Variants in TRPC4 observed in about 807,000 individuals in gnomAD.
TRPC4 encodes short transient receptor potential channel 4.
TRPC4 carries 49 observed loss-of-function variants against 99.4 expected under a neutral mutation model. The ratio of observed to expected loss-of-function variants is 0.49; its 90% CI spans 0.39 to 0.63. The LOEUF (loss-of-function observed/expected upper bound fraction) is 0.63. TRPC4 is among the 20% of genes least tolerant of loss of function. The probability of loss-of-function intolerance (pLI) is 0.00; values close to 1 mark genes in which losing one functional copy is unlikely to be tolerated. For missense variants in TRPC4, 898 were observed against 1,152.9 expected, an observed-to-expected ratio of 0.78 and a Z score of 3.20; for synonymous variants, 454 against 425.9, an observed-to-expected ratio of 1.07 and a Z score of -0.81.
intron 1 of TRPC4, among the ~76,000 whole-genome samples, chr13:37,793,430 TC>T (rs1566175721): frequency 1.7e-5 from 2 of 116,710 alleles, no homozygotes; most frequent in East Asian, 5.9e-4. Context: ...ATGCTATCCC[TC>T]CCCCCTCCCC....
chr13:37,776,946 T>C (rs1956722362), intron 2 of TRPC4, among the ~76,000 whole-genome samples: 1 of 151,972 alleles, frequency 6.6e-6, no homozygotes, highest in African/African-American at 2.4e-5. Context: ...CAGCAGTGTA[T>C]ATTTTGGGTT....
At chr13:37,723,667 G>C (rs1954945596) in intron 3 of TRPC4, among the ~76,000 whole-genome samples, 1 of 152,096 alleles carries the variant, frequency 6.6e-6, no homozygotes, top group Admixed American at 6.6e-5. Context: ...CTCTGCCTCA[G>C]CCTTCTGAGT....
At chr13:37,835,936 C>A (rs35681998) in intron 1 of TRPC4, among the ~76,000 whole-genome samples, 6 of 152,076 alleles carry the variant, frequency 3.9e-5, no homozygotes, top group African/African-American at 7.2e-5. Context: ...TCTGCCCCCA[C>A]ACAAATCTCA....
At chr13:37,676,865 T>C (rs1317660103) in intron 4 of TRPC4, among the ~76,000 whole-genome samples, 1 of 152,122 alleles carries the variant, frequency 6.6e-6, no homozygotes, top group African/African-American at 2.4e-5. Context: ...GTGTATAATA[T>C]TGGACAGAAA....
intron 3 of TRPC4, among the ~76,000 whole-genome samples, chr13:37,717,680 G>C (rs1290978565): frequency 6.6e-6 from 1 of 152,040 alleles, no homozygotes; most frequent in Non-Finnish European, 1.5e-5. Flanking sequence ...AAGGAGAGAG[G>C]TCTCAGGAAA....
chr13:37,639,169 T>C (rs755686398), intron 9 of TRPC4, 40 bp from the exon 10 acceptor site: 20 of 1,611,820 alleles, frequency 1.2e-5, no homozygotes, highest in Admixed American at 1.7e-5. Context: ...ACTCAATGAG[T>C]AAATAAATTT....
intron 5 of TRPC4, among the ~76,000 whole-genome samples, chr13:37,664,403 G>T (rs570728215): frequency 6.6e-6 from 1 of 151,834 alleles, no homozygotes; most frequent in African/African-American, 2.4e-5. Flanking sequence ...GAGAAACCCC[G>T]TCTCTACTAA....
chr13:37,692,473 G>T lies in TRPC4; in HGVS notation c.898-138C>A. 3.7e-6 allele frequency: 3 copies of T among 815,228 alleles called. No individual in the cohort carries two copies. In the South Asian group the frequency reaches 5.7e-5, roughly 15 times the overall value. 50.5% of individuals were successfully genotyped at this position (815,228 alleles called of 1,614,324 possible). A position where few individuals can be genotyped will look rare whatever the true frequency, so the allele number is the denominator to read the frequency against. ...AATTTTACATTTAAACAATCAAAAG[G>T]CTTTAAGTCATTCTGTGAATAAAGC... On this transcript the variant is annotated intron_variant, in intron 3 of 10. Coordinates refer to ENST00000379705, the MANE Select transcript of TRPC4 (RefSeq NM_016179.4).
At chr13:37,834,355 T>C (rs1332703288) in intron 1 of TRPC4, among the ~76,000 whole-genome samples, 1 of 152,232 alleles carries the variant, frequency 6.6e-6, no homozygotes, top group Non-Finnish European at 1.5e-5. Context: ...TTGACTATTT[T>C]ATGTTTTTAG....
At chr13:37,726,174 C>T (rs951778205) in intron 3 of TRPC4, among the ~76,000 whole-genome samples, 3 of 151,220 alleles carry the variant, frequency 2.0e-5, no homozygotes, top group African/African-American at 7.3e-5. Context: ...CCAGCCTGGG[C>T]GACAGAGTGA....
chr13:37,820,357 C>T (rs1365649367), intron 1 of TRPC4, among the ~76,000 whole-genome samples: 1 of 151,856 alleles, frequency 6.6e-6, no homozygotes, highest in East Asian at 1.9e-4. Flanking sequence ...TGAAATTCTA[C>T]CAGAGATATA....
chr13:37,637,827 T>C (rs1951583186), intron 10 of TRPC4, among the ~76,000 whole-genome samples: 1 of 152,128 alleles, frequency 6.6e-6, no homozygotes. Context: ...CTTATTGGAA[T>C]TGGGAAGGAC....
At chr13:37,803,351 C>A (rs1320152513) in intron 1 of TRPC4, among the ~76,000 whole-genome samples, 1 of 151,996 alleles carries the variant, frequency 6.6e-6, no homozygotes, top group Non-Finnish European at 1.5e-5. Context: ...ACTGACTAGG[C>A]AGACAGTGGC....
intron 2 of TRPC4, among the ~76,000 whole-genome samples, chr13:37,767,335 AG>A (rs2139271992): frequency 3.4e-5 from 1 of 29,518 alleles, no homozygotes; most frequent in African/African-American, 9.4e-5. Context: ...ATATAGATTC[AG>A]CATATATATA....
At chr13:37,867,254 G>A (rs1202777340) in intron 1 of TRPC4, among the ~76,000 whole-genome samples, 1 of 151,780 alleles carries the variant, frequency 6.6e-6, no homozygotes, top group East Asian at 1.9e-4. Context: ...AGCACTGATA[G>A]TTACAATACT....
chr13:37,809,470 T>G (rs202238975), intron 1 of TRPC4, among the ~76,000 whole-genome samples: 39,554 of 99,062 alleles, frequency 0.4, 5,624 homozygotes, highest in East Asian at 0.47. Context: ...GTTTTGTGTT[T>G]TTTTTTTTTT....
rs1298949993 is a variant in TRPC4, at chr13:37,869,584, AT to A, written c.-28+10del. ...CGGTCGAACGGAGCCCCGAGGCGAC[AT>A]CCTCTTTACCTGCAAAGTTGCAATC... On this transcript the variant is annotated intron_variant, in intron 1 of 10. Coordinates refer to ENST00000379705, the MANE Select transcript of TRPC4 (RefSeq NM_016179.4). 6.6e-6 allele frequency: 1 copy of A among 152,196 alleles called. No homozygotes were observed. The highest frequency in any genetic ancestry group is 2.4e-5 in the African/African-American group (1 of 41,428). 9.4% of individuals were successfully genotyped at this position (152,196 alleles called of 1,614,324 possible). A position where few individuals can be genotyped will look rare whatever the true frequency, so the allele number is the denominator to read the frequency against.
At chr13:37,708,288 T>C (rs906315564) in intron 3 of TRPC4, among the ~76,000 whole-genome samples, 1 of 152,122 alleles carries the variant, frequency 6.6e-6, no homozygotes, top group African/African-American at 2.4e-5. Context: ...GTCCATTTGA[T>C]AGCAAGCAGA....
intron 3 of TRPC4, 30 bp downstream of exon 3, chr13:37,745,907 T>C (rs769053597): frequency 1.9e-6 from 3 of 1,585,970 alleles, no homozygotes; most frequent in Middle Eastern, 3.4e-4. Flanking sequence ...CTCTATGGCA[T>C]TTTGATGGAT....
Sources: gnomAD v4.1 joint callset for allele counts (sites outside exome capture counted in the v4.1 genomes callset) on GRCh38, gnomAD v4.1.1 for gene constraint, MANE v1.5 for transcripts, NCBI Gene and HGNC (gene_info 2026-07-23, HGNC 2026-07-21) for gene names.